The following WRN variants were observed in gnomAD, a reference collection of about 807,000 sequenced individuals.
WRN encodes the protein bifunctional 3'-5' exonuclease/ATP-dependent helicase WRN.
A neutral mutation model predicts 180.7 loss-of-function variants in WRN; 149 were observed. The observed-to-expected ratio is 0.82, with a 90% CI of 0.72 to 0.94. The LOEUF (loss-of-function observed/expected upper bound fraction) is 0.94. Among genes scored for constraint, WRN ranks in the 40% least tolerant of loss-of-function variants. WRN has a pLI of 0.00. For synonymous variants in WRN, 548 were observed against 568.9 expected (o/e 0.96, Z 0.52); for missense variants, 1,661 against 1,700.1 (o/e 0.98, Z 0.40).
At chr8:31,092,188 T>G (rs1053000824) in intron 16 of WRN, among the ~76,000 whole-genome samples, 4 of 152,158 alleles carry the variant, frequency 2.6e-5, no homozygotes, top group Non-Finnish European at 4.4e-5. Context: ...TTCTCGGTTC[T>G]TGGGCTATAA....
rs71206298 is a variant in WRN, at chr8:31,122,860, G to GTTTTTTTTTTTTTTTTT, written c.2631-1653_2631-1637dup. ...GAAGAGTGTGGGCATTTCTTTTCTTGTTTTTTTTTTTTTTTTTTTTTTTTT... is the reference window on the plus strand; with the variant it reads ...GAAGAGTGTGGGCATTTCTTTTCTTGTTTTTTTTTTTTTTTTTTTTTTTTTTTTTTTTTTTTTTTTTT... On this transcript the variant is annotated intron_variant, in intron 21 of 34. Transcript: ENST00000298139. Among the ~76,000 whole-genome samples, 21 of 69,478 alleles carry GTTTTTTTTTTTTTTTTT rather than the reference G, an allele frequency of 3.0e-4. 1 individual carries two copies. Among genetic ancestry groups the GTTTTTTTTTTTTTTTTT allele is most frequent in the East Asian group, 4.8e-4 (1 of 2,100 alleles). 45.6% of individuals were successfully genotyped at this position (69,478 alleles called of 152,430 possible). A position where few individuals can be genotyped will look rare whatever the true frequency, so the allele number is the denominator to read the frequency against.
chr8:31,118,110 A>C (rs1051254099), intron 20 of WRN, among the ~76,000 whole-genome samples: 2 of 152,260 alleles, frequency 1.3e-5, no homozygotes, highest in South Asian at 4.1e-4. Flanking sequence ...TTACGTTGTG[A>C]CAGGAGACTT....
At chr8:31,074,008 C>G (rs1022192843) in intron 7 of WRN, among the ~76,000 whole-genome samples, 5 of 151,926 alleles carry the variant, frequency 3.3e-5, no homozygotes, top group African/African-American at 1.2e-4. Flanking sequence ...GCTCCGCCTC[C>G]CAGGTTCACA....
intron 19 of WRN, 36 bp from the exon 20 acceptor site, chr8:31,116,318 A>G (rs1205143765): frequency 2.7e-5 from 43 of 1,607,758 alleles, no homozygotes; most frequent in Non-Finnish European, 3.4e-5. Context: ...TGTATAAAGT[A>G]TATATGTTTG....
chr8:31,128,304 T>C (rs1177809317), intron 23 of WRN, among the ~76,000 whole-genome samples: 2 of 152,150 alleles, frequency 1.3e-5, no homozygotes, highest in African/African-American at 4.8e-5. Context: ...AGTATACTGA[T>C]TTATCAGATA....
At chr8:31,113,053 A>C (rs1801378558) in intron 19 of WRN, among the ~76,000 whole-genome samples, 1 of 151,756 alleles carries the variant, frequency 6.6e-6, no homozygotes, top group African/African-American at 2.4e-5. Flanking sequence ...AAAAAATACA[A>C]AAATTAGCTG....
In WRN at chr8:31,063,440, T is replaced by A. The variant is rs556766145; in HGVS notation, c.210-849T>A. Among the ~76,000 whole-genome samples, 36 of 152,242 alleles carry A rather than the reference T, an allele frequency of 2.4e-4. 1 individual carries two copies. The highest frequency in any genetic ancestry group is 8.7e-4 in the African/African-American group (36 of 41,466). The stretch of plus-strand genomic sequence containing the variant: ...GTTGCAATGCATATTCTTAAACATG[T>A]CTGTACACATCTGAGGGTTTCATTT... On this transcript the variant is annotated intron_variant, in intron 3 of 34. Coordinates refer to ENST00000298139, the MANE Select transcript of WRN (RefSeq NM_000553.6).
At chr8:31,073,725 G>T (rs2130082480) in intron 7 of WRN, among the ~76,000 whole-genome samples, 1 of 152,236 alleles carries the variant, frequency 6.6e-6, no homozygotes, top group Middle Eastern at 3.4e-3. Flanking sequence ...GGAGAGAGCA[G>T]CAAAGAGGAC....
intron 16 of WRN, among the ~76,000 whole-genome samples, chr8:31,092,994 G>C (rs1813815495): frequency 6.6e-6 from 1 of 152,110 alleles, no homozygotes. Flanking sequence ...ACCCAGGCTA[G>C]AGTACAGTGG....
At chr8:31,071,600 G>A (rs1812915451) in intron 7 of WRN, among the ~76,000 whole-genome samples, 1 of 152,138 alleles carries the variant, frequency 6.6e-6, no homozygotes, top group Non-Finnish European at 1.5e-5. Flanking sequence ...TCCTGCCTCA[G>A]CCTCCTGAGT....
Position 31,175,208 on chromosome 8 carries a change from G to A in WRN, c.*2106G>A, listed in dbSNP as rs558579212. Among the ~76,000 whole-genome samples, 357 of 152,192 alleles carry A rather than the reference G, an allele frequency of 2.3e-3. 1 individual carries two copies. Among genetic ancestry groups the A allele is most frequent in the Middle Eastern group, 6.8e-3 (2 of 294 alleles). ...TCCCAGCACTTTGGGAGGCCGAGGC[G>A]GGCGGATCACGAGATCAGGAGATCG... On this transcript the variant is annotated 3_prime_UTR_variant, in exon 35 of 35. Coordinates refer to ENST00000298139, the MANE Select transcript of WRN (RefSeq NM_000553.6).
At chr8:31,034,679 G>A (rs1811376622) in intron 1 of WRN, among the ~76,000 whole-genome samples, 1 of 152,204 alleles carries the variant, frequency 6.6e-6, no homozygotes, top group African/African-American at 2.4e-5. Flanking sequence ...CAGCCAAAAT[G>A]AGGACAGCTG....
At chr8:31,101,787 CAAAAAAA>C (rs60342321) in intron 18 of WRN, among the ~76,000 whole-genome samples, 6 of 42,054 alleles carry the variant, frequency 1.4e-4, no homozygotes, top group African/African-American at 4.1e-4. Flanking sequence ...AACTCTGTCT[CAAAAAAA>C]AAAAAAAAAA....
intron 11 of WRN, among the ~76,000 whole-genome samples, chr8:31,086,662 C>T (rs1813543941): frequency 6.6e-6 from 1 of 151,710 alleles, no homozygotes; most frequent in Admixed American, 6.6e-5. Context: ...ATCTGTGTGA[C>T]TTTGGGGAAG....
chr8:31,157,238 T>A (rs1224702924), intron 32 of WRN, 130 bp from the exon 33 acceptor site: 4 of 1,332,358 alleles, frequency 3.0e-6, no homozygotes, highest in Non-Finnish European at 4.1e-6. Flanking sequence ...ATGAAAAACT[T>A]AAGTAAAGGT....
chr8:31,128,407 AAC>A (rs1236058305), intron 23 of WRN, among the ~76,000 whole-genome samples: 1 of 152,250 alleles, frequency 6.6e-6, no homozygotes, highest in Admixed American at 6.5e-5. Flanking sequence ...ATGTGTATAT[AAC>A]ACACTGGGCT....
At chr8:31,167,958 C>T (rs1803963785) in intron 34 of WRN, among the ~76,000 whole-genome samples, 1 of 151,932 alleles carries the variant, frequency 6.6e-6, no homozygotes, top group Non-Finnish European at 1.5e-5. Context: ...TGTTTCAATT[C>T]TTAGTTGGTA....
chr8:31,151,970 A>G (rs1803151034), intron 31 of WRN, among the ~76,000 whole-genome samples: 1 of 152,116 alleles, frequency 6.6e-6, no homozygotes, highest in African/African-American at 2.4e-5. Context: ...CAAATATGAC[A>G]CATATTAAAC....
At chr8:31,104,781 C>T (rs1385437853) in intron 18 of WRN, among the ~76,000 whole-genome samples, 2 of 152,082 alleles carry the variant, frequency 1.3e-5, no homozygotes, top group South Asian at 2.1e-4. Context: ...TTGCGTTTGC[C>T]CCTTTGTTGA....
Sources: gnomAD v4.1 joint callset for allele counts (sites outside exome capture counted in the v4.1 genomes callset) on GRCh38, gnomAD v4.1.1 for gene constraint, MANE v1.5 for transcripts, NCBI Gene and HGNC (gene_info 2026-07-23, HGNC 2026-07-21) for gene names.